ITGB2: variants seen among roughly 807,000 people sequenced by gnomAD.
ITGB2 encodes integrin beta-2.
Under a neutral mutation model 86.8 loss-of-function variants are expected in ITGB2, and 56 were observed. That is an observed-to-expected ratio of 0.65 (90% CI 0.52 to 0.81). The LOEUF is 0.81. Ranked by LOEUF, ITGB2 falls within the 30% of genes least tolerant of loss-of-function variation. ITGB2 has a pLI of 0.00. For synonymous variants in ITGB2, 457 were observed against 450.4 expected (o/e 1.01, Z -0.19); for missense variants, 948 against 1,061.2 (o/e 0.89, Z 1.48).
intron 5 of ITGB2, among the ~76,000 whole-genome samples, chr21:44,902,579 T>G (rs2146529627): frequency 6.6e-6 from 1 of 151,296 alleles, no homozygotes; most frequent in East Asian, 1.9e-4. Flanking sequence ...TTGGGTGTGC[T>G]TTTGTGTGTG....
In ITGB2 at chr21:44,919,020, G is replaced by GCTGAGCGTCCCCTCTCCCA. The variant is rs58007154; in HGVS notation, c.-4+1800_-4+1801insTGGGAGAGGGGACGCTCAG. Among the ~76,000 whole-genome samples, 568 of 148,832 alleles carry GCTGAGCGTCCCCTCTCCCA rather than the reference G, an allele frequency of 3.8e-3. 19 individuals carry two copies. Among genetic ancestry groups the GCTGAGCGTCCCCTCTCCCA allele is most frequent in the Non-Finnish European group, 4.8e-3 (322 of 66,634 alleles). ...GCATTCCCCTCTCCCAGCACTCGGA[G>GCTGAGCGTCCCCTCTCCCA]GCACCTGCAGTTGCTCAGCTGTTCA... is the stretch of plus-strand genomic sequence containing the variant. On this transcript the variant is annotated intron_variant, in intron 1 of 15. Transcript: ENST00000652462.
chr21:44,898,189 C>T (rs116936186), intron 8 of ITGB2, among the ~76,000 whole-genome samples: 2 of 152,304 alleles, frequency 1.3e-5, no homozygotes, highest in Admixed American at 6.5e-5. Flanking sequence ...AGCCGCGCCG[C>T]TGTGACTGAC....
In ITGB2 at chr21:44,910,325, A is replaced by T; in HGVS notation, c.106T>A (p.Cys36Ser). The change falls in exon 3 of 16, where the codon TGC becomes AGC. Residue 36 changes from cysteine to serine, a missense_variant. Physicochemically the swap from Cys to Ser is moderately radical, Grantham distance 112. Coordinates refer to ENST00000652462, the MANE Select transcript of ITGB2 (RefSeq NM_000211.5). ...GTGCAGCCGGGCCCCGACTCGATGC[A>T]TTCCCGGCAGCTGCTGACCTTGAAC... ...TKFKVSSCRE[C>S]IESGPGCTWC... The T allele has an allele frequency of 6.2e-7, 1 of 1,614,112 alleles. No individual in the cohort carries two copies. Among genetic ancestry groups the T allele is most frequent in the Non-Finnish European group, 8.5e-7 (1 of 1,180,012 alleles).
At chr21:44,915,091 T>A (rs1174215707) in intron 1 of ITGB2, among the ~76,000 whole-genome samples, 1 of 152,162 alleles carries the variant, frequency 6.6e-6, no homozygotes, top group Non-Finnish European at 1.5e-5. Flanking sequence ...TGGCGCGATC[T>A]CAGCTCACTG....
At chr21:44,915,817 C>T (rs1052452697) in intron 1 of ITGB2, among the ~76,000 whole-genome samples, 4 of 152,184 alleles carry the variant, frequency 2.6e-5, no homozygotes, top group African/African-American at 4.8e-5. Flanking sequence ...CAGCCCATGT[C>T]GCCTCTGAAC....
chr21:44,916,420 T>G (rs568803418), intron 1 of ITGB2, among the ~76,000 whole-genome samples: 134 of 152,350 alleles, frequency 8.8e-4, no homozygotes, highest in African/African-American at 3.0e-3. Flanking sequence ...GGAGACTGTC[T>G]GTTCCTGGGT....
At chr21:44,902,466 A>G (rs1313551401) in intron 5 of ITGB2, among the ~76,000 whole-genome samples, 1 of 146,560 alleles carries the variant, frequency 6.8e-6, no homozygotes, top group Non-Finnish European at 1.5e-5. Flanking sequence ...TTCATGTGTG[A>G]GCATACATTC....
At chr21:44,910,881 T>TG in intron 1 of ITGB2, 96 bp from the exon 2 acceptor site, 1 of 1,265,136 alleles carries the variant, frequency 7.9e-7, no homozygotes, top group Non-Finnish European at 1.1e-6. Flanking sequence ...GACAAGGAGC[T>TG]GGGGCCCTGT....
At chr21:44,910,870 G>C in intron 1 of ITGB2, 85 bp from the exon 2 acceptor site, 1 of 1,401,352 alleles carries the variant, frequency 7.1e-7, no homozygotes, top group South Asian at 1.2e-5. Context: ...AGCTGGCCTG[G>C]GACAAGGAGC....
chr21:44,886,623 G>C, intron 15 of ITGB2, 113 bp downstream of exon 15: 1 of 1,516,638 alleles, frequency 6.6e-7, no homozygotes, highest in Non-Finnish European at 9.1e-7. Context: ...AAGCTGCCTG[G>C]GGAGGCCGGG....
intron 1 of ITGB2, among the ~76,000 whole-genome samples, chr21:44,917,529 C>T (rs945686538): frequency 5.9e-5 from 9 of 152,144 alleles, no homozygotes; most frequent in Non-Finnish European, 1.2e-4. Flanking sequence ...CCCACTGTGA[C>T]GTTGATGAGG....
intron 8 of ITGB2, among the ~76,000 whole-genome samples, chr21:44,897,242 T>G (rs2146516810): frequency 6.6e-6 from 1 of 152,342 alleles, no homozygotes; most frequent in East Asian, 1.9e-4. Context: ...GATACGGGCC[T>G]GACAATGGAT....
At chr21:44,890,327 A>G (rs2083769032) in intron 11 of ITGB2, 105 bp from the exon 12 acceptor site, 4 of 1,461,442 alleles carry the variant, frequency 2.7e-6, no homozygotes, top group Admixed American at 1.7e-5. Flanking sequence ...GAACACCCCT[A>G]TGGCACATTT....
intron 1 of ITGB2, among the ~76,000 whole-genome samples, chr21:44,916,947 T>C (rs527649415): frequency 6.6e-6 from 1 of 151,748 alleles, no homozygotes; most frequent in East Asian, 1.9e-4. Context: ...TACTAACAAA[T>C]TGCATAGAGG....
chr21:44,926,613 G>A (rs1037951036), intron 1 of ITGB2, among the ~76,000 whole-genome samples: 12 of 152,342 alleles, frequency 7.9e-5, no homozygotes, highest in Admixed American at 6.5e-5. Flanking sequence ...CCTAAGAGCC[G>A]AGGGAGTCAG....
chr21:44,916,763 G>A (rs1423174334), intron 1 of ITGB2, among the ~76,000 whole-genome samples: 4 of 151,856 alleles, frequency 2.6e-5, no homozygotes, highest in African/African-American at 9.7e-5. Context: ...AGCTACTCGC[G>A]AGGCTGAGGC....
intron 12 of ITGB2, 101 bp from the exon 13 acceptor site, chr21:44,889,596 C>T: frequency 9.1e-7 from 1 of 1,098,732 alleles, no homozygotes; most frequent in Non-Finnish European, 1.3e-6. Context: ...CCTGCCTCCT[C>T]CAGCCTGGGG....
chr21:44,911,390 C>G (rs1365292911), intron 1 of ITGB2: 1 of 157,008 alleles, frequency 6.4e-6, no homozygotes, highest in Non-Finnish European at 1.4e-5. Context: ...TGTGTGCACT[C>G]TGCCCCAGTG....
chr21:44,894,675 C>T, intron 9 of ITGB2: 1 of 446,466 alleles, frequency 2.2e-6, no homozygotes, highest in Non-Finnish European at 4.2e-6. Context: ...CAGAGCTGTC[C>T]ACCTCCCTTC....
Sources: gnomAD v4.1 joint callset for allele counts (sites outside exome capture counted in the v4.1 genomes callset) on GRCh38, gnomAD v4.1.1 for gene constraint, MANE v1.5 for transcripts, NCBI Gene and HGNC (gene_info 2026-07-23, HGNC 2026-07-21) for gene names.